SGK3: variants seen among roughly 807,000 people sequenced by gnomAD.
The protein encoded by SGK3 is serum/glucocorticoid regulated kinase family member 3.
A neutral mutation model predicts 68.5 loss-of-function variants in SGK3; 47 were observed. That is an observed-to-expected ratio of 0.69 (90% CI 0.54 to 0.87). The LOEUF (loss-of-function observed/expected upper bound fraction) is 0.87. Ranked by LOEUF, SGK3 falls within the 40% of genes least tolerant of loss-of-function variation. The probability of loss-of-function intolerance (pLI) is 0.00; values close to 1 mark genes in which losing one functional copy is unlikely to be tolerated. For synonymous variants in SGK3, 181 were observed against 189.1 expected, an observed-to-expected ratio of 0.96 and a Z score of 0.35; for missense variants, 479 against 575.5, an observed-to-expected ratio of 0.83 and a Z score of 1.72.
At chr8:66,823,636 TC>T (rs1196385044) in intron 6 of SGK3, among the ~76,000 whole-genome samples, 1 of 152,088 alleles carries the variant, frequency 6.6e-6, no homozygotes, top group Non-Finnish European at 1.5e-5. Context: ...AACCTTGTGA[TC>T]CTCCTGCCTC....
intron 14 of SGK3, among the ~76,000 whole-genome samples, chr8:66,845,966 A>G (rs1266924165): frequency 2.0e-5 from 3 of 152,272 alleles, no homozygotes; most frequent in East Asian, 3.9e-4. Context: ...ATGTCATTTT[A>G]ATGTTTTAAG....
chr8:66,758,655 T>C (rs1316295990), intron 1 of SGK3, among the ~76,000 whole-genome samples: 1 of 152,146 alleles, frequency 6.6e-6, no homozygotes, highest in Non-Finnish European at 1.5e-5. Flanking sequence ...TTCTTAGATA[T>C]TAGATACAAT....
chr8:66,816,279 G>A (rs201461178), intron 5 of SGK3, among the ~76,000 whole-genome samples: 6 of 151,858 alleles, frequency 4.0e-5, no homozygotes, highest in East Asian at 3.9e-4. Flanking sequence ...TGAGACTACA[G>A]GCGTGATAAA....
Position 66,846,028 on chromosome 8 carries a change from A to G in SGK3, c.1075-1165A>G, listed in dbSNP as rs552951655. 2.0e-3 allele frequency among the ~76,000 whole-genome samples: 304 copies of G among 152,292 alleles called. 2 individuals carry two copies. Among genetic ancestry groups the G allele is most frequent in the Non-Finnish European group, 3.7e-3 (249 of 68,016 alleles). On this transcript the variant is annotated intron_variant, in intron 14 of 16. Transcript: ENST00000521198. ...ACTGGTAACTAATATTTAAAAGGTA[A>G]AAACAAACCCACAAGGGTAAAATAT...
At chr8:66,774,962 C>T (rs999022414) in intron 1 of SGK3, among the ~76,000 whole-genome samples, 1 of 152,238 alleles carries the variant, frequency 6.6e-6, no homozygotes, top group South Asian at 2.1e-4. Flanking sequence ...CCAAGGCTCT[C>T]TTCACCTTCC....
At chr8:66,797,186 T>C (rs1184988452) in intron 2 of SGK3, among the ~76,000 whole-genome samples, 3 of 152,164 alleles carry the variant, frequency 2.0e-5, no homozygotes, top group Non-Finnish European at 4.4e-5. Flanking sequence ...ACCTGAACTT[T>C]CTAAGATCCA....
chr8:66,835,470 A>G (rs1327867357), intron 8 of SGK3, among the ~76,000 whole-genome samples: 1 of 152,158 alleles, frequency 6.6e-6, no homozygotes, highest in Non-Finnish European at 1.5e-5. Context: ...TCCTGGAAGT[A>G]CAGGAGACTT....
intron 8 of SGK3, among the ~76,000 whole-genome samples, chr8:66,832,893 G>GT (rs1809360270): frequency 6.7e-6 from 1 of 149,566 alleles, no homozygotes; most frequent in Non-Finnish European, 1.5e-5. Flanking sequence ...ATGAAAACTG[G>GT]TTTTTTTGTT....
rs775650552 is a variant in SGK3, at chr8:66,840,099, A to G, written c.838A>G (p.Ile280Val). Residue 280 changes from isoleucine to valine, a missense_variant, in exon 11 of 17, where the codon ATC (isoleucine) becomes GTC (valine). This residue lies in a region of SGK3 where 298 missense variants were observed against 329.4 expected (regional missense o/e 0.90). Coordinates refer to ENST00000521198, the MANE Select transcript of SGK3 (RefSeq NM_001033578.3). ...TAGTGCATTGGGTTACTTACATTCCATCAAAATAGTATACAGGTACAATTT... is the reference window on the plus strand; with the variant it reads ...TAGTGCATTGGGTTACTTACATTCCGTCAAAATAGTATACAGGTACAATTT... ...IASALGYLHS[I>V]KIVYRDLKPE... 4 of 1,614,002 alleles carry G rather than the reference A, an allele frequency of 2.5e-6. No individual in the cohort carries two copies. The highest frequency in any genetic ancestry group is 4.5e-5 in the East Asian group (2 of 44,864).
intron 1 of SGK3, among the ~76,000 whole-genome samples, chr8:66,783,888 T>C (rs1439804814): frequency 1.3e-5 from 2 of 151,978 alleles, no homozygotes; most frequent in African/African-American, 4.8e-5. Context: ...TTGTTGTCGT[T>C]GTTTGTTTGT....
chr8:66,809,962 A>G (rs1808313308), intron 4 of SGK3, among the ~76,000 whole-genome samples: 1 of 152,142 alleles, frequency 6.6e-6, no homozygotes, highest in African/African-American at 2.4e-5. Context: ...GGGATCCAAG[A>G]GCGCTAGCAA....
At chr8:66,784,197 C>A (rs1460932649) in intron 1 of SGK3, among the ~76,000 whole-genome samples, 1 of 152,100 alleles carries the variant, frequency 6.6e-6, no homozygotes, top group Non-Finnish European at 1.5e-5. Flanking sequence ...CATCACCCGG[C>A]CTACTTTTGC....
At chr8:66,825,932 A>G (rs1809035029) in intron 6 of SGK3, among the ~76,000 whole-genome samples, 1 of 152,118 alleles carries the variant, frequency 6.6e-6, no homozygotes, top group Non-Finnish European at 1.5e-5. Flanking sequence ...TTCAGGGGAC[A>G]AGTTGTTCAT....
intron 16 of SGK3, among the ~76,000 whole-genome samples, 194 bp downstream of exon 16, chr8:66,851,114 G>A (rs934604697): frequency 5.9e-5 from 9 of 152,160 alleles, no homozygotes; most frequent in African/African-American, 2.2e-4. Flanking sequence ...GTTAGATTAG[G>A]TTGATAAAAA....
intron 16 of SGK3, among the ~76,000 whole-genome samples, chr8:66,851,486 A>G (rs1455727559): frequency 6.6e-6 from 1 of 151,972 alleles, no homozygotes; most frequent in Non-Finnish European, 1.5e-5. Context: ...GCACCACTGC[A>G]CTCCAGCCTG....
intron 1 of SGK3, among the ~76,000 whole-genome samples, chr8:66,751,289 G>A (rs1805810579): frequency 6.6e-6 from 1 of 152,042 alleles, no homozygotes; most frequent in Admixed American, 6.6e-5. Context: ...TCTGTTCTTT[G>A]GCTTAAAAAT....
intron 15 of SGK3, among the ~76,000 whole-genome samples, chr8:66,849,298 C>G (rs1258874257): frequency 6.6e-6 from 1 of 152,160 alleles, no homozygotes; most frequent in African/African-American, 2.4e-5. Context: ...CTATTGTCCC[C>G]CTGTGCTCCC....
At chr8:66,833,827 G>A (rs918459011) in intron 8 of SGK3, among the ~76,000 whole-genome samples, 2 of 152,204 alleles carry the variant, frequency 1.3e-5, no homozygotes, top group Admixed American at 1.3e-4. Context: ...CAGTAGTTGG[G>A]ATTACAGGCG....
chr8:66,812,238 C>A (rs1808407136), intron 4 of SGK3, among the ~76,000 whole-genome samples: 1 of 152,096 alleles, frequency 6.6e-6, no homozygotes, highest in African/African-American at 2.4e-5. Context: ...TTTCTCAAAT[C>A]AAATGTGTTA....
Sources: allele counts gnomAD v4.1 joint callset (sites outside exome capture counted in the v4.1 genomes callset), GRCh38; gene constraint gnomAD v4.1.1; regional missense constraint gnomAD v4.1.1; transcripts MANE v1.5; gene names NCBI Gene and HGNC (gene_info 2026-07-23, HGNC 2026-07-21).